Variants in FAM227B observed in about 807,000 individuals in gnomAD.
FAM227B encodes protein FAM227B.
Under a neutral mutation model 73.8 loss-of-function variants are expected in FAM227B, and 88 were observed. That is an observed-to-expected ratio of 1.19 (90% CI 1.00 to 1.42). The LOEUF is 1.42. Among genes scored for constraint, FAM227B ranks in the 40% most tolerant of loss-of-function variants. The pLI is 0.00. For synonymous variants in FAM227B, 210 were observed against 190.5 expected (o/e 1.10, Z -0.84); for missense variants, 632 against 590.9 (o/e 1.07, Z -0.72).
At chr15:49,529,452 T>G (rs542012710) in intron 10 of FAM227B, among the ~76,000 whole-genome samples, 1 of 151,818 alleles carries the variant, frequency 6.6e-6, no homozygotes, top group East Asian at 1.9e-4. Context: ...AACCTGCACA[T>G]GTACCTGCAT....
chr15:49,518,774 A>C (rs1177337690), intron 10 of FAM227B, among the ~76,000 whole-genome samples: 1 of 152,172 alleles, frequency 6.6e-6, no homozygotes, highest in African/African-American at 2.4e-5. Flanking sequence ...GGTGGGGGAC[A>C]CAGCCAAACC....
At chr15:49,502,157 G>A (rs1338454420) in intron 11 of FAM227B, among the ~76,000 whole-genome samples, 2 of 152,214 alleles carry the variant, frequency 1.3e-5, no homozygotes, top group African/African-American at 4.8e-5. Context: ...CAGTAAAGAG[G>A]GAAAATGTAG....
At chr15:49,415,730 T>C (rs1294595081) in intron 11 of FAM227B, among the ~76,000 whole-genome samples, 1 of 152,228 alleles carries the variant, frequency 6.6e-6, no homozygotes, top group African/African-American at 2.4e-5. Context: ...CTGAGATATT[T>C]ATATATTTGA....
chr15:49,503,476 C>G (rs569415585), intron 11 of FAM227B, among the ~76,000 whole-genome samples: 26 of 152,098 alleles, frequency 1.7e-4, no homozygotes, highest in East Asian at 1.4e-3. Context: ...ACTACCATCA[C>G]AGTGAACAGG....
At chr15:49,450,632 A>AAG (rs1168360480) in intron 11 of FAM227B, among the ~76,000 whole-genome samples, 1 of 152,186 alleles carries the variant, frequency 6.6e-6, no homozygotes, top group Non-Finnish European at 1.5e-5. Flanking sequence ...TGCAGCCAGC[A>AAG]AGAGTCTGGA....
At chr15:49,335,051 C>T (rs534005215) in intron 14 of FAM227B, among the ~76,000 whole-genome samples, 1 of 152,260 alleles carries the variant, frequency 6.6e-6, no homozygotes, top group Non-Finnish European at 1.5e-5. Flanking sequence ...GCCCAGCTGC[C>T]ACCCCAGCTC....
chr15:49,465,531 A>G (rs1032049088), intron 11 of FAM227B, among the ~76,000 whole-genome samples: 4 of 152,116 alleles, frequency 2.6e-5, no homozygotes, highest in Admixed American at 1.3e-4. Flanking sequence ...TGTTACCCAT[A>G]ATATGAGTGT....
chr15:49,331,722 G>T, intron 15 of FAM227B, 58 bp downstream of exon 15: 5 of 1,051,656 alleles, frequency 4.8e-6, no homozygotes, highest in Admixed American at 1.7e-5. Context: ...ATATTGTCCA[G>T]TCTATATAAA....
chr15:49,538,664 C>T (rs2070616133), intron 10 of FAM227B, among the ~76,000 whole-genome samples: 1 of 151,958 alleles, frequency 6.6e-6, no homozygotes, highest in Non-Finnish European at 1.5e-5. Flanking sequence ...CCTTTTGCTC[C>T]TCTGACTGGA....
chr15:49,577,062 T>C, intron 6 of FAM227B: 2 of 424,160 alleles, frequency 4.7e-6, no homozygotes, highest in Non-Finnish European at 4.2e-6. Flanking sequence ...ACTGGGAGGC[T>C]GAAGTGGGTG....
At chr15:49,423,109 T>C (rs955583894) in intron 11 of FAM227B, 15 of 183,704 alleles carry the variant, frequency 8.2e-5, no homozygotes, top group Non-Finnish European at 1.5e-4. Flanking sequence ...CTCCCTCTCA[T>C]GACCATTGAA....
rs528867060 is a variant in FAM227B at position 49,540,563 on chromosome 15, A to C, written c.874+1117T>G. 3.9e-5 allele frequency among the ~76,000 whole-genome samples: 6 copies of C among 152,322 alleles called. No homozygotes were observed. The East Asian group carries it at 7.7e-4, about 20-fold the overall frequency. Reference sequence around the variant, plus strand: ...ATCCACCGTGTTGCTCATATCATTTATCTCTCCCACTTCTTATAAGGACAC... The same window carrying C: ...ATCCACCGTGTTGCTCATATCATTTCTCTCTCCCACTTCTTATAAGGACAC... On this transcript the variant is annotated intron_variant, in intron 10 of 15. Coordinates refer to ENST00000299338, the MANE Select transcript of FAM227B (RefSeq NM_152647.3).
In FAM227B at chr15:49,327,914, AT is replaced by A; in HGVS notation, c.*653del. On this transcript the variant is annotated 3_prime_UTR_variant, in exon 16 of 16. Coordinates refer to ENST00000299338, the MANE Select transcript of FAM227B (RefSeq NM_152647.3). ...CACCAAGCAAATCCCTTGTATTTTCATTTATAGGTTCTAATATTTTTTTCCT... is the reference window on the plus strand; with the variant it reads ...CACCAAGCAAATCCCTTGTATTTTCATTATAGGTTCTAATATTTTTTTCCT... The A allele has an allele frequency of 6.3e-7, 1 of 1,577,740 alleles. No homozygotes were observed. The highest frequency in any genetic ancestry group is 2.3e-5 in the East Asian group (1 of 44,312).
intron 12 of FAM227B, among the ~76,000 whole-genome samples, chr15:49,370,578 A>G (rs2045742862): frequency 6.6e-6 from 1 of 152,234 alleles, no homozygotes; most frequent in Non-Finnish European, 1.5e-5. Flanking sequence ...AAATACCGGG[A>G]AAAACATAAA....
chr15:49,374,695 AC>A (rs1471521415), intron 11 of FAM227B, among the ~76,000 whole-genome samples: 1 of 152,160 alleles, frequency 6.6e-6, no homozygotes, highest in African/African-American at 2.4e-5. Flanking sequence ...GGTGTTCACC[AC>A]CATGGCCAGC....
chr15:49,429,728 AG>A (rs1350248548), intron 11 of FAM227B, among the ~76,000 whole-genome samples: 1 of 151,962 alleles, frequency 6.6e-6, no homozygotes, highest in Non-Finnish European at 1.5e-5. Flanking sequence ...TCTGAGGTAC[AG>A]TCTGGGCATC....
At chr15:49,456,149 AT>A (rs1043125515) in intron 11 of FAM227B, among the ~76,000 whole-genome samples, 4 of 152,002 alleles carry the variant, frequency 2.6e-5, no homozygotes, top group African/African-American at 7.2e-5. Flanking sequence ...TTTGATTGAG[AT>A]TTTTTTCAGT....
At chr15:49,410,181 G>A (rs1222927646) in intron 11 of FAM227B, among the ~76,000 whole-genome samples, 1 of 152,100 alleles carries the variant, frequency 6.6e-6, no homozygotes, top group Non-Finnish European at 1.5e-5. Flanking sequence ...TCTTCAAGTG[G>A]AAATTTGTCC....
chr15:49,611,963 T>C (rs1598558851), intron 2 of FAM227B, among the ~76,000 whole-genome samples: 2 of 152,052 alleles, frequency 1.3e-5, no homozygotes, highest in East Asian at 3.9e-4. Flanking sequence ...CCCAAAGTTT[T>C]CTCCGTGGTA....
Sources: gnomAD v4.1 joint callset for allele counts (sites outside exome capture counted in the v4.1 genomes callset) on GRCh38, gnomAD v4.1.1 for gene constraint, MANE v1.5 for transcripts, NCBI Gene and HGNC (gene_info 2026-07-23, HGNC 2026-07-21) for gene names.